FKBP15: variants seen among roughly 807,000 people sequenced by gnomAD.
FKBP15 encodes the protein FKBP prolyl isomerase family member 15.
In FKBP15, 106 loss-of-function variants were observed where a neutral mutation model predicts 158.1. The ratio of observed to expected loss-of-function variants is 0.67; its 90% CI spans 0.57 to 0.79. The LOEUF (loss-of-function observed/expected upper bound fraction) is 0.79. FKBP15 is among the 30% of genes least tolerant of loss of function. The probability of loss-of-function intolerance (pLI) is 0.00; values close to 1 mark genes in which losing one functional copy is unlikely to be tolerated. For missense variants in FKBP15, 1,287 were observed against 1,479.1 expected, an observed-to-expected ratio of 0.87 and a Z score of 2.13; for synonymous variants, 547 against 548.6, an observed-to-expected ratio of 1.00 and a Z score of 0.04.
At position 113,169,870 on chromosome 9, in the gene FKBP15, T is replaced by TTTCTTC. The variant is rs113480096; in HGVS notation, c.2833_2838dup (p.Glu945_Glu946dup). On this transcript the variant is annotated inframe_insertion, in exon 26 of 28. Transcript: ENST00000238256. ...GGTCTTCGTGGCCGCTCTTCTGCTT[T>TTTCTTC]TTCTTCTTCTTCTTCACTGCTGCTC... The TTTCTTC allele has an allele frequency of 1.3e-6, 2 of 1,550,278 alleles. No homozygotes were observed. The highest frequency in any genetic ancestry group is 2.0e-5 in the Admixed American group (1 of 50,978).
At chr9:113,190,411 G>A in intron 12 of FKBP15, 60 bp downstream of exon 12, 1 of 1,354,682 alleles carries the variant, frequency 7.4e-7, no homozygotes, top group Non-Finnish European at 1.0e-6. Context: ...CCAACCAAAT[G>A]AAAAGAAAGA....
rs772483115 is a variant in FKBP15 at position 113,190,548 on chromosome 9, A to G, written c.1096T>C (p.Ser366Pro). ...GGCTGGCCCATTTTAGCCATCCGAG[A>G]GATCAACTTGGCTTTGACTGCATCG... ...SPDAVKAKLI[S>P]RMAKMGQPML... The change falls in exon 12 of 28, where the codon TCT becomes CCT. Residue 366 changes from serine (S) to proline (P), a missense_variant. By Grantham distance (74) the Ser-to-Pro change is moderately conservative. Coordinates refer to ENST00000238256, the MANE Select transcript of FKBP15 (RefSeq NM_015258.2). The G allele has an allele frequency of 1.6e-5, 26 of 1,611,656 alleles. No homozygotes were observed. In the Admixed American group the frequency reaches 3.4e-4, roughly 21 times the overall value.
Position 113,169,809 on chromosome 9 carries a change from T to C in FKBP15, c.2900A>G (p.Gln967Arg), listed in dbSNP as rs1019861634. 6.4e-6 allele frequency: 10 copies of C among 1,573,138 alleles called. No individual in the cohort carries two copies. The highest frequency in any genetic ancestry group is 8.6e-6 in the Non-Finnish European group (10 of 1,158,490). The change falls in exon 26 of 28, where the codon CAG becomes CGG. Residue 967 changes from glutamine to arginine, a missense_variant. Physicochemically the swap from Gln to Arg is conservative, Grantham distance 43. Transcript: ENST00000238256. ...QEQSASASSGQPQAPLNRERP... is the reference protein window; with the variant it reads ...QEQSASASSGRPQAPLNRERP... ...CTCCCTATTCAGGGGTGCTTGAGGCTGCCCAGAACTGGCTGAGGCTGACTG... is the reference window on the plus strand; with the variant it reads ...CTCCCTATTCAGGGGTGCTTGAGGCCGCCCAGAACTGGCTGAGGCTGACTG...
rs1397160918 is a variant in FKBP15 at position 113,169,248 on chromosome 9, G to A, written c.3461C>T (p.Pro1154Leu). The A allele has an allele frequency of 6.2e-7, 1 of 1,613,820 alleles. No individual in the cohort carries two copies. Among genetic ancestry groups the A allele is most frequent in the African/African-American group, 1.3e-5 (1 of 75,070 alleles). ...GSTVAGAALR[P>L]SHHSQRSSLS... ...CCTGGAACGCTGGGAATGATGGCTGGGTCTGAGGGCTGCTCCTGCAACTGT... is the reference window on the plus strand; with the variant it reads ...CCTGGAACGCTGGGAATGATGGCTGAGTCTGAGGGCTGCTCCTGCAACTGT... The change falls in exon 26 of 28, where the codon CCC becomes CTC. Residue 1154 changes from proline to leucine, a missense_variant. Physicochemically the swap from Pro to Leu is moderately conservative, Grantham distance 98 (BLOSUM62 -3). Coordinates refer to ENST00000238256, the MANE Select transcript of FKBP15 (RefSeq NM_015258.2).
rs1830275066 is a variant in FKBP15, at chr9:113,174,841, T to G, written c.2224-258A>C. On this transcript the variant is annotated intron_variant, in intron 21 of 27. Transcript: ENST00000238256. ...AAATTGGGAGGCCGAGGCGGGCGGA[T>G]CACGAGGTCAGGAGATCGAGACCAT... 3.9e-4 allele frequency among the ~76,000 whole-genome samples: 2 copies of G among 5,076 alleles called. 1 individual carries two copies. The highest frequency in any genetic ancestry group is 0.029 in the South Asian group (2 of 70). The allele number at this position is 5,076 out of a possible 152,430, so 3.3% of individuals were successfully genotyped here.
At position 113,169,378 on chromosome 9, in the gene FKBP15, C is replaced by T; in HGVS notation, c.3331G>A (p.Gly1111Arg). ...DPEEGDPLALGPESPGEPQPP... is the reference protein window; with the variant it reads ...DPEEGDPLALRPESPGEPQPP... Reference sequence around the variant, plus strand: ...TGAGGCTCTCCTGGGCTTTCAGGCCCTAAGGCCAGTGGGTCCCCCTCCTCG... The same window carrying T: ...TGAGGCTCTCCTGGGCTTTCAGGCCTTAAGGCCAGTGGGTCCCCCTCCTCG... The change falls in exon 26 of 28, where the codon GGG becomes AGG. Residue 1111 changes from glycine (G) to arginine (R), a missense_variant. By Grantham distance (125) the Gly-to-Arg change is moderately radical (BLOSUM62 -2). Transcript: ENST00000238256. 6.2e-7 allele frequency: 1 copy of T among 1,614,078 alleles called. No homozygotes were observed. Among genetic ancestry groups the T allele is most frequent in the Non-Finnish European group, 8.5e-7 (1 of 1,179,906 alleles).
At chr9:113,173,912 CTT>C (rs529166549) in intron 22 of FKBP15, among the ~76,000 whole-genome samples, 1 of 152,178 alleles carries the variant, frequency 6.6e-6, no homozygotes, top group African/African-American at 2.4e-5. Flanking sequence ...GGTTCAGAAA[CTT>C]TTTTTCACCA....
At chr9:113,193,347 T>A (rs956709385) in intron 11 of FKBP15, 145 bp downstream of exon 11, 16 of 507,022 alleles carry the variant, frequency 3.2e-5, no homozygotes, top group Non-Finnish European at 5.4e-5. Flanking sequence ...CACTTTTTTT[T>A]TTTTTAAAGG....
chr9:113,217,582 G>A (rs969344739), intron 1 of FKBP15, among the ~76,000 whole-genome samples: 1 of 152,100 alleles, frequency 6.6e-6, no homozygotes, highest in East Asian at 1.9e-4. Context: ...TTTTTAGCAG[G>A]GCATGGTGGC....
At chr9:113,186,711 T>C (rs1306475019) in intron 14 of FKBP15, 6 of 172,260 alleles carry the variant, frequency 3.5e-5, no homozygotes, top group East Asian at 1.5e-4. Flanking sequence ...TTAGCTTCCA[T>C]TGAGTTTAAA....
Position 113,184,447 on chromosome 9 carries a change from G to T in FKBP15, c.1609-48C>A, listed in dbSNP as rs1218601515. The T allele has an allele frequency of 7.1e-7, 1 of 1,406,642 alleles. No homozygotes were observed. The highest frequency in any genetic ancestry group is 2.0e-5 in the Admixed American group (1 of 50,846). The allele number at this position is 1,406,642 out of a possible 1,614,324, so 87.1% of individuals were successfully genotyped here. ...ACCTTGTGAGAAATTATAAAATGAAGAAATACAATTTACCCAAGATTTGAC... is the reference window on the plus strand; with the variant it reads ...ACCTTGTGAGAAATTATAAAATGAATAAATACAATTTACCCAAGATTTGAC... On this transcript the variant is annotated intron_variant, in intron 16 of 27. Coordinates refer to ENST00000238256, the MANE Select transcript of FKBP15 (RefSeq NM_015258.2). This position sits in a 1 kb window ranked among gnomAD's most constrained non-coding sequence, Gnocchi z 4.5.
rs1830038897 is a variant in FKBP15, at chr9:113,162,915, T to G, written c.*3163A>C. 1 of 1,606,816 alleles carries G rather than the reference T, an allele frequency of 6.2e-7. No homozygotes were observed. Among genetic ancestry groups the G allele is most frequent in the African/African-American group, 1.3e-5 (1 of 74,656 alleles). On this transcript the variant is annotated 3_prime_UTR_variant, in exon 28 of 28. Coordinates refer to ENST00000238256, the MANE Select transcript of FKBP15 (RefSeq NM_015258.2). ...AGCTTACCCACTTCTCAGCACAGCT[T>G]AGCTGGTGAGGAACGTGCAGGCACT...
Position 113,161,826 on chromosome 9 carries a change from C to A in FKBP15, c.*4252G>T. The A allele has an allele frequency of 1.9e-6, 2 of 1,035,356 alleles. No individual in the cohort carries two copies. Among genetic ancestry groups the A allele is most frequent in the African/African-American group, 1.6e-5 (1 of 63,856 alleles). The allele number at this position is 1,035,356 out of a possible 1,614,324, so 64.1% of individuals were successfully genotyped here. On this transcript the variant is annotated 3_prime_UTR_variant, in exon 28 of 28. Coordinates refer to ENST00000238256, the MANE Select transcript of FKBP15 (RefSeq NM_015258.2). ...GGCCCAGGGAAGGACCAGGACTTGC[C>A]AAAGTGGCTACACATAGCCAAGTGA...
Position 113,174,501 on chromosome 9 carries a change from T to A in FKBP15, c.2306A>T (p.Gln769Leu). ...CTGTCGAAGTTTGTCCAATTCCTCC[T>A]GGTATGACTTGCGAATTTCATCTAT... is the stretch of plus-strand genomic sequence containing the variant. ...EEIDEIRKSY[Q>L]EELDKLRQLL... The change falls in exon 22 of 28, where the codon CAG (glutamine) becomes CTG (leucine). Residue 769 changes from glutamine to leucine, a missense_variant. Physicochemically the swap from Gln to Leu is moderately radical, Grantham distance 113. Transcript: ENST00000238256. 3 of 1,614,032 alleles carry A rather than the reference T, an allele frequency of 1.9e-6. No individual in the cohort carries two copies. The highest frequency in any genetic ancestry group is 2.5e-6 in the Non-Finnish European group (3 of 1,179,904).
intron 26 of FKBP15, 126 bp downstream of exon 26, chr9:113,169,098 A>G: frequency 1.5e-6 from 2 of 1,305,034 alleles, no homozygotes; most frequent in South Asian, 3.1e-5. Context: ...GAATTAATAC[A>G]TCAACTAATG....
intron 2 of FKBP15, among the ~76,000 whole-genome samples, chr9:113,208,703 C>T (rs1830943474): frequency 1.3e-5 from 2 of 152,166 alleles, no homozygotes; most frequent in African/African-American, 2.4e-5. Context: ...GGTTTGGTTA[C>T]ATCCTGTCCA....
At chr9:113,199,106 GAA>G (rs1192695456) in intron 7 of FKBP15, among the ~76,000 whole-genome samples, 183 bp from the exon 8 acceptor site, 1 of 152,090 alleles carries the variant, frequency 6.6e-6, no homozygotes, top group East Asian at 1.9e-4. Flanking sequence ...GTATTATAAT[GAA>G]TATCTCTGAA....
intron 23 of FKBP15, among the ~76,000 whole-genome samples, chr9:113,172,635 C>T (rs1013679429): frequency 2.6e-5 from 4 of 152,222 alleles, no homozygotes; most frequent in African/African-American, 9.6e-5. Context: ...ACTTCACTTT[C>T]TCTTTCCCAA....
At chr9:113,169,015 C>T (rs1318615038) in intron 26 of FKBP15, among the ~76,000 whole-genome samples, 1 of 151,482 alleles carries the variant, frequency 6.6e-6, no homozygotes, top group Admixed American at 6.6e-5. Flanking sequence ...CCGCAGGGCC[C>T]GCCACACTAC....
Sources: gnomAD v4.1 joint callset for allele counts (sites outside exome capture counted in the v4.1 genomes callset) on GRCh38, gnomAD v4.1.1 for gene constraint, Gnocchi (gnomAD v3.1) non-coding constraint, MANE v1.5 for transcripts, NCBI Gene and HGNC (gene_info 2026-07-23, HGNC 2026-07-21) for gene names.